OXR1: variants seen among roughly 807,000 people sequenced by gnomAD.
OXR1 encodes the protein oxidation resistance 1.
OXR1 carries 41 observed loss-of-function variants against 104.6 expected under a neutral mutation model. The observed-to-expected ratio is 0.39, with a 90% CI of 0.31 to 0.51. The LOEUF (loss-of-function observed/expected upper bound fraction) is 0.51, where lower values mean the gene tolerates loss of function less well. Ranked by LOEUF, OXR1 falls within the 20% of genes least tolerant of loss-of-function variation. OXR1 has a pLI of 0.77. For missense variants in OXR1, 955 were observed against 1,031.9 expected (o/e 0.93, Z 1.02); for synonymous variants, 348 against 348.4 (o/e 1.00, Z 0.01).
chr8:106,588,100 C>T (rs1163850246), intron 3 of OXR1, among the ~76,000 whole-genome samples: 2 of 151,832 alleles, frequency 1.3e-5, no homozygotes, highest in Admixed American at 6.6e-5. Flanking sequence ...TACAGGCACC[C>T]GCCACCACGC....
intron 7 of OXR1, among the ~76,000 whole-genome samples, chr8:106,699,772 A>G (rs1830424245): frequency 1.3e-5 from 2 of 152,176 alleles, no homozygotes; most frequent in Non-Finnish European, 2.9e-5. Flanking sequence ...AAAAGGAGAT[A>G]AGCAGGAAGT....
chr8:106,463,465 A>G (rs1304035062), intron 2 of OXR1, among the ~76,000 whole-genome samples: 2 of 152,142 alleles, frequency 1.3e-5, no homozygotes, highest in African/African-American at 4.8e-5. Flanking sequence ...AATGTTAATA[A>G]CACAAATATA....
chr8:106,637,761 CTTTTT>C (rs71307078), intron 3 of OXR1, among the ~76,000 whole-genome samples: 1 of 128,404 alleles, frequency 7.8e-6, no homozygotes, highest in African/African-American at 2.9e-5. Context: ...ATAGTTTCGA[CTTTTT>C]TTTTTTTTTT....
chr8:106,502,407 G>T (rs1232075540), intron 2 of OXR1, among the ~76,000 whole-genome samples: 1 of 152,162 alleles, frequency 6.6e-6, no homozygotes, highest in African/African-American at 2.4e-5. Context: ...TTGAATAAAG[G>T]AATTCTCAGA....
chr8:106,655,602 T>C (rs570378595), intron 3 of OXR1, among the ~76,000 whole-genome samples: 2 of 152,248 alleles, frequency 1.3e-5, no homozygotes, highest in East Asian at 3.9e-4. Flanking sequence ...GAAAAATGAA[T>C]GTTCATATTT....
chr8:106,449,758 AG>A (rs1820211179), intron 2 of OXR1, among the ~76,000 whole-genome samples: 1 of 152,208 alleles, frequency 6.6e-6, no homozygotes. Context: ...TACAAATAAA[AG>A]AAAAATCTTA....
intron 3 of OXR1, among the ~76,000 whole-genome samples, chr8:106,678,650 GCATTCAAT>G (rs1827836282): frequency 6.6e-6 from 1 of 151,792 alleles, no homozygotes; most frequent in African/African-American, 2.4e-5. Flanking sequence ...TTAATAATTG[GCATTCAAT>G]CTGAAAGTAA....
In OXR1 at chr8:106,614,841, C is replaced by T. The variant is rs1001007360; in HGVS notation, c.221-64369C>T. On this transcript the variant is annotated intron_variant, in intron 3 of 16. Coordinates refer to ENST00000517566, the MANE Select transcript of OXR1 (RefSeq NM_001198533.2). The stretch of plus-strand genomic sequence containing the variant: ...AGTGTGTGTGTGTATGGTTTTATAA[C>T]TCTCTCATTCATATTCAGACACAAT... Among the ~76,000 whole-genome samples, 9 of 152,204 alleles carry T rather than the reference C, an allele frequency of 5.9e-5. No homozygotes were observed. In the East Asian group the frequency reaches 1.7e-3, roughly 29 times the overall value.
At chr8:106,576,227 G>A (rs2130594644) in intron 3 of OXR1, among the ~76,000 whole-genome samples, 1 of 151,802 alleles carries the variant, frequency 6.6e-6, no homozygotes, top group Non-Finnish European at 1.5e-5. Flanking sequence ...TACAAATATG[G>A]TTTTAAATAG....
intron 11 of OXR1, among the ~76,000 whole-genome samples, chr8:106,727,085 A>C (rs142825827): frequency 1.3e-5 from 2 of 152,238 alleles, no homozygotes; most frequent in East Asian, 1.9e-4. Flanking sequence ...TTTAATTGTA[A>C]TTTCAAAATT....
intron 2 of OXR1, among the ~76,000 whole-genome samples, chr8:106,497,898 A>G (rs1030820890): frequency 6.6e-6 from 1 of 151,954 alleles, no homozygotes; most frequent in Non-Finnish European, 1.5e-5. Flanking sequence ...GGACATTTTA[A>G]TTTCTGCCCA....
At chr8:106,339,509 AAAAAAAAAAAATAT>A (rs1295390599) in intron 1 of OXR1, among the ~76,000 whole-genome samples, 538 of 50,766 alleles carry the variant, frequency 0.011, 7 homozygotes, top group Non-Finnish European at 0.015. Context: ...AAAAAAAAAA[AAAAAAAAAAAATAT>A]ATATATATAT....
intron 1 of OXR1, among the ~76,000 whole-genome samples, chr8:106,335,787 A>T (rs1231295398): frequency 2.6e-5 from 4 of 152,032 alleles, no homozygotes; most frequent in African/African-American, 9.7e-5. Context: ...TAGACACATG[A>T]GATATAAATT....
chr8:106,548,264 C>G (rs1815528328), intron 3 of OXR1, among the ~76,000 whole-genome samples: 1 of 152,138 alleles, frequency 6.6e-6, no homozygotes, highest in South Asian at 2.1e-4. Flanking sequence ...CTTAAGCAAA[C>G]CTAGACTCAG....
chr8:106,490,972 A>T (rs1187154544), intron 2 of OXR1, among the ~76,000 whole-genome samples: 1 of 152,200 alleles, frequency 6.6e-6, no homozygotes, highest in African/African-American at 2.4e-5. Flanking sequence ...TAAACAAATG[A>T]TAGTGCTCAG....
intron 1 of OXR1, among the ~76,000 whole-genome samples, chr8:106,359,047 T>TTTTCTTTC (rs76498142): frequency 0.074 from 10,483 of 141,026 alleles, 648 homozygotes; most frequent in African/African-American, 0.16. Context: ...CATGGAATTC[T>TTTTCTTTC]TTTCTTTCTT....
At chr8:106,637,718 C>A (rs575847123) in intron 3 of OXR1, among the ~76,000 whole-genome samples, 1 of 150,854 alleles carries the variant, frequency 6.6e-6, no homozygotes, top group Admixed American at 6.6e-5. Context: ...AAATCAGAAT[C>A]AGATAGCCCT....
intron 2 of OXR1, among the ~76,000 whole-genome samples, chr8:106,463,913 G>A (rs1821041834): frequency 6.6e-6 from 1 of 152,078 alleles, no homozygotes; most frequent in African/African-American, 2.4e-5. Flanking sequence ...GTAGCACAGA[G>A]TCAATTATTG....
chr8:106,289,748 A>G (rs1454786322), intron 1 of OXR1, among the ~76,000 whole-genome samples: 1 of 152,132 alleles, frequency 6.6e-6, no homozygotes, highest in Non-Finnish European at 1.5e-5. Flanking sequence ...TGGGTTGGCT[A>G]TGTCCCCACC....
Sources: allele counts gnomAD v4.1 joint callset (sites outside exome capture counted in the v4.1 genomes callset), GRCh38; gene constraint gnomAD v4.1.1; transcripts MANE v1.5; gene names NCBI Gene and HGNC (gene_info 2026-07-23, HGNC 2026-07-21).